Variants in POU2F1 observed in about 807,000 individuals in gnomAD.
POU2F1 encodes POU domain, class 2, transcription factor 1.
POU2F1 carries 16 observed loss-of-function variants against 84.9 expected under a neutral mutation model. The observed-to-expected ratio is 0.19, with a 90% CI of 0.13 to 0.29. The LOEUF is 0.29. Ranked by LOEUF, POU2F1 falls within the 10% of genes least tolerant of loss-of-function variation. The pLI is 1.00. For missense variants in POU2F1, 738 were observed against 942.6 expected, an observed-to-expected ratio of 0.78 and a Z score of 2.84; for synonymous variants, 368 against 368.3, an observed-to-expected ratio of 1.00 and a Z score of 0.01.
At position 167,327,154 on chromosome 1, in the gene POU2F1, A is replaced by C. The variant is rs569525901; in HGVS notation, c.62-5316A>C. ...TACAAAGTGGTGTGAAATATTAAAT[A>C]AGATTGATGCTTTCAAAAGATGGAC... is the stretch of plus-strand genomic sequence containing the variant. On this transcript the variant is annotated intron_variant, in intron 1 of 15. Coordinates refer to ENST00000367866, the MANE Select transcript of POU2F1 (RefSeq NM_002697.4). Among the ~76,000 whole-genome samples the C allele has an allele frequency of 2.4e-4, 36 of 152,344 alleles. No homozygotes were observed. The South Asian group carries it at 7.5e-3, about 32-fold the overall frequency.
At chr1:167,221,675 C>T (rs2102312332) in intron 1 of POU2F1, among the ~76,000 whole-genome samples, 1 of 151,172 alleles carries the variant, frequency 6.6e-6, no homozygotes, top group East Asian at 2.0e-4. Flanking sequence ...GCCCCAGGCA[C>T]TTCGGCCTCG....
At chr1:167,312,330 T>C (rs777754951) in intron 1 of POU2F1, among the ~76,000 whole-genome samples, 5 of 151,234 alleles carry the variant, frequency 3.3e-5, no homozygotes, top group Non-Finnish European at 7.4e-5. Flanking sequence ...CACCTCCCGG[T>C]CTCCTGCCTC....
intron 11 of POU2F1, 26 bp downstream of exon 11, chr1:167,398,159 A>C: frequency 6.2e-7 from 1 of 1,611,376 alleles, no homozygotes; most frequent in Non-Finnish European, 8.5e-7. Context: ...ACTTTTCTGT[A>C]CATGGGATTG....
intron 1 of POU2F1, among the ~76,000 whole-genome samples, chr1:167,273,547 C>T (rs1652522732): frequency 6.6e-6 from 1 of 152,246 alleles, no homozygotes; most frequent in South Asian, 2.1e-4. Context: ...CTTACCACCA[C>T]GTGGAAGCTG....
rs1307979416 is a variant in POU2F1 at position 167,426,792 on chromosome 1, C to T, written c.*10982C>T. 2 of 152,110 alleles carry T rather than the reference C, an allele frequency of 1.3e-5. No homozygotes were observed. Among genetic ancestry groups the T allele is most frequent in the African/African-American group, 4.8e-5 (2 of 41,408 alleles). 9.4% of individuals were successfully genotyped at this position (152,110 alleles called of 1,614,324 possible). ...GTAAATGATTCTTTCCAAAATTGTC[C>T]AGCAGCTTGAATGAGGCAGTGACAA... On this transcript the variant is annotated 3_prime_UTR_variant, in exon 16 of 16. Coordinates refer to ENST00000367866, the MANE Select transcript of POU2F1 (RefSeq NM_002697.4).
Position 167,409,344 on chromosome 1 carries a change from C to A in POU2F1, c.1556-2615C>A, listed in dbSNP as rs533698534. Among the ~76,000 whole-genome samples, 11 of 152,286 alleles carry A rather than the reference C, an allele frequency of 7.2e-5. No homozygotes were observed. In the East Asian group the frequency reaches 1.9e-3, roughly 27 times the overall value. ...AGGGAAGTGCCAGGTACTATATACACACCTTGACTATAGCTTCCTACTGCC... is the reference window on the plus strand; with the variant it reads ...AGGGAAGTGCCAGGTACTATATACAAACCTTGACTATAGCTTCCTACTGCC... On this transcript the variant is annotated intron_variant, in intron 13 of 15. Coordinates refer to ENST00000367866, the MANE Select transcript of POU2F1 (RefSeq NM_002697.4).
intron 1 of POU2F1, among the ~76,000 whole-genome samples, chr1:167,266,598 T>A (rs1042194573): frequency 1.3e-5 from 2 of 151,840 alleles, no homozygotes; most frequent in African/African-American, 4.8e-5. Context: ...GAAGGTACTT[T>A]GGCACAATTT....
chr1:167,342,908 T>C (rs1162332869), intron 2 of POU2F1, among the ~76,000 whole-genome samples: 1 of 152,158 alleles, frequency 6.6e-6, no homozygotes, highest in East Asian at 1.9e-4. Flanking sequence ...TAGCTAATTT[T>C]TAATTAGTGG....
intron 2 of POU2F1, among the ~76,000 whole-genome samples, chr1:167,334,170 T>C (rs1657267392): frequency 6.9e-6 from 1 of 144,340 alleles, no homozygotes; most frequent in Non-Finnish European, 1.5e-5. Flanking sequence ...TTTTTTTTTT[T>C]TTTTTTTGAG....
At chr1:167,347,986 G>A (rs1289418123) in intron 2 of POU2F1, among the ~76,000 whole-genome samples, 1 of 152,092 alleles carries the variant, frequency 6.6e-6, no homozygotes. Context: ...TGTGAATAAT[G>A]CTGCTGTGAA....
At chr1:167,379,091 T>C (rs1647311048) in intron 7 of POU2F1, 1 of 149,522 alleles carries the variant, frequency 6.7e-6, no homozygotes, top group African/African-American at 2.4e-5. Context: ...CCTGGCTAAT[T>C]GAGAAAAAAA....
chr1:167,376,304 A>AGTTTT (rs1553217408), intron 7 of POU2F1, 149 bp downstream of exon 7: 1 of 1,084,000 alleles, frequency 9.2e-7, no homozygotes, highest in Non-Finnish European at 1.2e-6. Flanking sequence ...GTTTAAAAAA[A>AGTTTT]GTTTTGTTTT....
At chr1:167,367,365 T>G (rs1365954175) in intron 3 of POU2F1, among the ~76,000 whole-genome samples, 2 of 152,158 alleles carry the variant, frequency 1.3e-5, no homozygotes, top group Non-Finnish European at 2.9e-5. Flanking sequence ...GTCCCAGCAT[T>G]TACCAAAGAA....
chr1:167,302,806 AATAGTACAAGTATATGTTAAATAAGAGTC>A (rs1654801868), intron 1 of POU2F1, among the ~76,000 whole-genome samples: 1 of 152,176 alleles, frequency 6.6e-6, no homozygotes, highest in South Asian at 2.1e-4. Flanking sequence ...AAATAGCTAT[AATAGTACAAGTATATGTTAAATAAGAGTC>A]ATAGCATGTA....
chr1:167,384,034 A>T (rs1647773033), intron 8 of POU2F1, 83 bp downstream of exon 8: 1 of 1,151,268 alleles, frequency 8.7e-7, no homozygotes, highest in Non-Finnish European at 1.2e-6. Flanking sequence ...TTTTTTTTAA[A>T]TCTAATAAAA....
chr1:167,314,811 A>C (rs1655764324), intron 1 of POU2F1, among the ~76,000 whole-genome samples: 1 of 152,134 alleles, frequency 6.6e-6, no homozygotes. Context: ...CCTAATACAC[A>C]TAGAGTTTGG....
chr1:167,233,919 T>C (rs1370036327), intron 1 of POU2F1, among the ~76,000 whole-genome samples: 5 of 152,240 alleles, frequency 3.3e-5, no homozygotes, highest in Non-Finnish European at 7.3e-5. Flanking sequence ...TGCCAGTTGT[T>C]GTACTAAATG....
chr1:167,312,189 G>A (rs1655538923), intron 1 of POU2F1, among the ~76,000 whole-genome samples: 1 of 151,248 alleles, frequency 6.6e-6, no homozygotes. Flanking sequence ...ACCCCCCTTG[G>A]CCTCCCAAAG....
chr1:167,251,950 T>A (rs1220016238), intron 1 of POU2F1, among the ~76,000 whole-genome samples: 1 of 151,426 alleles, frequency 6.6e-6, no homozygotes, highest in East Asian at 1.9e-4. Context: ...GTTCAAGCAA[T>A]TCTCCTGCCT....
Sources: allele counts gnomAD v4.1 joint callset (sites outside exome capture counted in the v4.1 genomes callset), GRCh38; gene constraint gnomAD v4.1.1; transcripts MANE v1.5; gene names NCBI Gene and HGNC (gene_info 2026-07-23, HGNC 2026-07-21).